NEK7: variants seen among roughly 807,000 people sequenced by gnomAD.
NEK7 encodes the protein serine/threonine-protein kinase Nek7.
A neutral mutation model predicts 44.6 loss-of-function variants in NEK7; 18 were observed. The ratio of observed to expected loss-of-function variants is 0.40; its 90% confidence interval spans 0.28 to 0.60. The LOEUF is 0.60. Ranked by LOEUF, NEK7 falls within the 20% of genes least tolerant of loss-of-function variation. The pLI is 0.38. For missense variants in NEK7, 256 were observed against 366.5 expected (o/e 0.70, Z 2.46); for synonymous variants, 130 against 121.1 (o/e 1.07, Z -0.48).
At chr1:198,268,437 C>T (rs533739394) in intron 5 of NEK7, among the ~76,000 whole-genome samples, 50 of 152,050 alleles carry the variant, frequency 3.3e-4, no homozygotes, top group African/African-American at 1.2e-3. Context: ...TCACCAGATT[C>T]TGTTTATTTT....
At chr1:198,301,944 T>C (rs1259239589) in intron 9 of NEK7, among the ~76,000 whole-genome samples, 1 of 152,240 alleles carries the variant, frequency 6.6e-6, no homozygotes, top group Non-Finnish European at 1.5e-5. Flanking sequence ...TTATTGTGAT[T>C]ATATTCTGAT....
At chr1:198,312,531 A>G (rs907887506) in intron 9 of NEK7, among the ~76,000 whole-genome samples, 2 of 150,600 alleles carry the variant, frequency 1.3e-5, no homozygotes, top group African/African-American at 5.0e-5. Flanking sequence ...TTGTGATGTT[A>G]GGGTGTCAGT....
intron 1 of NEK7, among the ~76,000 whole-genome samples, chr1:198,176,991 C>T (rs1009351652): frequency 2.6e-5 from 4 of 151,980 alleles, no homozygotes; most frequent in African/African-American, 9.7e-5. Context: ...ATGTAGGAGG[C>T]AGGTTATGTC....
intron 9 of NEK7, among the ~76,000 whole-genome samples, chr1:198,299,091 A>ATGT (rs1654798730): frequency 6.6e-6 from 1 of 152,230 alleles, no homozygotes; most frequent in Admixed American, 6.5e-5. Context: ...TGTAAAGCAA[A>ATGT]ACACATTATA....
intron 3 of NEK7, among the ~76,000 whole-genome samples, chr1:198,258,363 C>T (rs1345856088): frequency 6.6e-6 from 1 of 152,084 alleles, no homozygotes; most frequent in African/African-American, 2.4e-5. Flanking sequence ...CGCTTGAACC[C>T]GGGAGGTGGA....
At chr1:198,289,066 C>A (rs1183323858) in intron 7 of NEK7, among the ~76,000 whole-genome samples, 1 of 151,854 alleles carries the variant, frequency 6.6e-6, no homozygotes, top group Non-Finnish European at 1.5e-5. Context: ...TGTCTGCCAA[C>A]ATAATTTCTG....
intron 2 of NEK7, among the ~76,000 whole-genome samples, chr1:198,246,024 C>G (rs1415763709): frequency 6.6e-6 from 1 of 152,148 alleles, no homozygotes. Flanking sequence ...TAGTTCTTTA[C>G]TTGAGTGGGA....
chr1:198,215,526 A>G (rs1665892665), intron 1 of NEK7, among the ~76,000 whole-genome samples: 2 of 147,844 alleles, frequency 1.4e-5, no homozygotes, highest in Non-Finnish European at 3.0e-5. Flanking sequence ...TCATTAGTTT[A>G]TGTGTGGCCC....
At chr1:198,222,262 A>C (rs75679387) in intron 1 of NEK7, among the ~76,000 whole-genome samples, 11,136 of 152,202 alleles carry the variant, frequency 0.073, 498 homozygotes, top group East Asian at 0.18. Context: ...ATTTGGAGTT[A>C]CCATAATATG....
intron 1 of NEK7, among the ~76,000 whole-genome samples, chr1:198,219,336 GTA>G (rs202015033): frequency 2.2e-4 from 33 of 150,674 alleles, no homozygotes; most frequent in Admixed American, 8.6e-4. Context: ...GTTTGTGTGT[GTA>G]TATATATATG....
At chr1:198,280,943 A>C (rs1207085981) in intron 7 of NEK7, among the ~76,000 whole-genome samples, 1 of 151,678 alleles carries the variant, frequency 6.6e-6, no homozygotes, top group Non-Finnish European at 1.5e-5. Flanking sequence ...TTTGTTTTAC[A>C]TATTATTTTG....
intron 4 of NEK7, 113 bp downstream of exon 4, chr1:198,262,750 A>C (rs1653519949): frequency 4.0e-6 from 2 of 502,648 alleles, no homozygotes; most frequent in East Asian, 6.2e-5. Flanking sequence ...CACTGATTTC[A>C]AGTAATATTA....
intron 8 of NEK7, among the ~76,000 whole-genome samples, chr1:198,293,952 G>T (rs1654634133): frequency 6.6e-6 from 1 of 151,760 alleles, no homozygotes. Flanking sequence ...TATATTTCCT[G>T]TCTCTTGTCC....
At chr1:198,239,205 C>T (rs1666619493) in intron 2 of NEK7, among the ~76,000 whole-genome samples, 3 of 152,126 alleles carry the variant, frequency 2.0e-5, no homozygotes, top group South Asian at 2.1e-4. Flanking sequence ...TTATATTCCT[C>T]GCCTTATTTC....
chr1:198,315,009 A>T (rs1655312729), intron 9 of NEK7, among the ~76,000 whole-genome samples: 1 of 152,178 alleles, frequency 6.6e-6, no homozygotes, highest in South Asian at 2.1e-4. Flanking sequence ...CGCCTGGGCA[A>T]TGGCGGGCGC....
At chr1:198,225,903 C>T (rs1666208407) in intron 1 of NEK7, among the ~76,000 whole-genome samples, 1 of 152,018 alleles carries the variant, frequency 6.6e-6, no homozygotes, top group Admixed American at 6.6e-5. Context: ...GTTTTTTCAT[C>T]ATTGATTTTA....
At chr1:198,203,474 A>G (rs1294151877) in intron 1 of NEK7, among the ~76,000 whole-genome samples, 1 of 152,218 alleles carries the variant, frequency 6.6e-6, no homozygotes, top group Non-Finnish European at 1.5e-5. Context: ...CAATACATTA[A>G]GACAAACACA....
intron 1 of NEK7, among the ~76,000 whole-genome samples, chr1:198,225,080 C>T (rs372551256): frequency 2.6e-5 from 4 of 151,996 alleles, no homozygotes; most frequent in South Asian, 4.2e-4. Flanking sequence ...TGGTGGCTCA[C>T]GCCTGAAATC....
intron 2 of NEK7, among the ~76,000 whole-genome samples, chr1:198,234,734 CCTG>C (rs1317286336): frequency 6.6e-6 from 1 of 152,178 alleles, no homozygotes; most frequent in Non-Finnish European, 1.5e-5. Context: ...GTTTATGCCT[CCTG>C]CTGCTGCTCC....
Sources: allele counts gnomAD v4.1 joint callset (sites outside exome capture counted in the v4.1 genomes callset), GRCh38; gene constraint gnomAD v4.1.1; transcripts MANE v1.5; gene names NCBI Gene and HGNC (gene_info 2026-07-23, HGNC 2026-07-21).